SCFD2: variants seen among roughly 807,000 people sequenced by gnomAD.
SCFD2 encodes the protein sec1 family domain-containing protein 2.
SCFD2 carries 54 observed loss-of-function variants against 58.9 expected under a neutral mutation model. The observed-to-expected ratio is 0.92, with a 90% CI of 0.74 to 1.15. The LOEUF is 1.15. Among genes scored for constraint, SCFD2 ranks in the 50% most tolerant of loss-of-function variants. The pLI, the probability that SCFD2 is intolerant of heterozygous loss-of-function variation, is 0.00. For missense variants in SCFD2, 805 were observed against 836.6 expected (o/e 0.96, Z 0.47); for synonymous variants, 321 against 335.9 (o/e 0.96, Z 0.49).
chr4:52,879,106 T>C (rs1453752644), intron 8 of SCFD2, among the ~76,000 whole-genome samples: 1 of 152,052 alleles, frequency 6.6e-6, no homozygotes, highest in Admixed American at 6.6e-5. Context: ...CATCAACTCC[T>C]AGCCACCCCA....
In SCFD2 at chr4:53,085,226, T is replaced by C. The variant is rs569592210; in HGVS notation, c.1561+60107A>G. ...ACCAATATACAAATATCAGTATTAT[T>C]TCTATATATCAACAGTGAACAATCT... On this transcript the variant is annotated intron_variant, in intron 5 of 8. Coordinates refer to ENST00000401642, the MANE Select transcript of SCFD2 (RefSeq NM_152540.4). Among the ~76,000 whole-genome samples the C allele has an allele frequency of 2.6e-5, 4 of 152,300 alleles. No homozygotes were observed. In the South Asian group the frequency reaches 8.3e-4, roughly 32 times the overall value.
intron 5 of SCFD2, among the ~76,000 whole-genome samples, chr4:53,109,472 C>T (rs958782170): frequency 2.6e-5 from 4 of 152,184 alleles, no homozygotes; most frequent in South Asian, 2.1e-4. Context: ...AAAACCCCAT[C>T]GTCTCTCAGC....
chr4:53,167,315 C>T (rs1727039785), intron 4 of SCFD2, among the ~76,000 whole-genome samples: 1 of 152,170 alleles, frequency 6.6e-6, no homozygotes, highest in African/African-American at 2.4e-5. Context: ...TCTCATTAGG[C>T]TAATGTGTCC....
chr4:53,083,077 T>G (rs965001692), intron 5 of SCFD2, among the ~76,000 whole-genome samples: 2 of 152,250 alleles, frequency 1.3e-5, no homozygotes, highest in Admixed American at 1.3e-4. Context: ...GGGGTGCTAC[T>G]ATAACAAATA....
rs571597521 is a variant in SCFD2, at chr4:53,212,559, A to T, written c.1311+61267T>A. On this transcript the variant is annotated intron_variant, in intron 4 of 8. Coordinates refer to ENST00000401642, the MANE Select transcript of SCFD2 (RefSeq NM_152540.4). ...GTATTAAGGAGATGGTAAGAGAGAG[A>T]GGAAGAAAGTGAGCACGTGTGTGTG... Among the ~76,000 whole-genome samples, 32 of 142,208 alleles carry T rather than the reference A, an allele frequency of 2.3e-4. 1 individual carries two copies. The highest frequency in any genetic ancestry group is 7.8e-4 in the African/African-American group (29 of 37,234). The allele number at this position is 142,208 out of a possible 152,430, so 93.3% of individuals were successfully genotyped here.
intron 3 of SCFD2, among the ~76,000 whole-genome samples, chr4:53,295,754 TATG>T (rs139449068): frequency 0.017 from 2,646 of 152,346 alleles, 82 homozygotes; most frequent in African/African-American, 0.06. Flanking sequence ...GCCCATTCAT[TATG>T]ATATTGGCTG....
chr4:53,077,593 G>A (rs1347185243), intron 5 of SCFD2, among the ~76,000 whole-genome samples: 7 of 151,778 alleles, frequency 4.6e-5, no homozygotes, highest in African/African-American at 1.2e-4. Flanking sequence ...GTGTGCCACC[G>A]CACCCAGCTA....
intron 3 of SCFD2, among the ~76,000 whole-genome samples, chr4:53,300,232 CA>C (rs1732226875): frequency 6.6e-6 from 1 of 151,678 alleles, no homozygotes; most frequent in African/African-American, 2.4e-5. Flanking sequence ...CACACAGGCT[CA>C]AAATAAAGGG....
chr4:53,245,877 A>C (rs1730053452), intron 4 of SCFD2, among the ~76,000 whole-genome samples: 1 of 152,126 alleles, frequency 6.6e-6, no homozygotes, highest in East Asian at 1.9e-4. Context: ...AAATAAATAA[A>C]AGACATCCAA....
intron 5 of SCFD2, among the ~76,000 whole-genome samples, chr4:53,006,216 A>G (rs1171879093): frequency 6.6e-6 from 1 of 152,026 alleles, no homozygotes; most frequent in East Asian, 1.9e-4. Flanking sequence ...CCAGCCCCCA[A>G]TCACTGTGCC....
intron 5 of SCFD2, among the ~76,000 whole-genome samples, chr4:53,048,061 A>C (rs1033394997): frequency 2.6e-5 from 4 of 152,142 alleles, no homozygotes; most frequent in Admixed American, 6.6e-5. Context: ...TTTTAATTAA[A>C]TATTCTAGGC....
intron 5 of SCFD2, among the ~76,000 whole-genome samples, chr4:52,952,914 A>G (rs1015628089): frequency 1.3e-5 from 2 of 152,246 alleles, no homozygotes; most frequent in Non-Finnish European, 2.9e-5. Context: ...AACCAGTGAT[A>G]AAATGAATGC....
chr4:53,248,366 A>G (rs1730194426), intron 4 of SCFD2, among the ~76,000 whole-genome samples: 1 of 152,228 alleles, frequency 6.6e-6, no homozygotes. Flanking sequence ...GCCATTGCTC[A>G]GGCTTCCTTA....
At chr4:53,170,812 G>A (rs1727157775) in intron 4 of SCFD2, among the ~76,000 whole-genome samples, 1 of 151,866 alleles carries the variant, frequency 6.6e-6, no homozygotes, top group South Asian at 2.1e-4. Context: ...TTGTCTTCTT[G>A]ATTTCCTTTT....
intron 4 of SCFD2, among the ~76,000 whole-genome samples, chr4:53,201,396 T>C (rs1176235325): frequency 6.6e-6 from 1 of 152,228 alleles, no homozygotes; most frequent in Non-Finnish European, 1.5e-5. Context: ...GGTGTATATG[T>C]GCCACATTTT....
chr4:52,974,050 C>G (rs1721183977), intron 5 of SCFD2, among the ~76,000 whole-genome samples: 1 of 152,156 alleles, frequency 6.6e-6, no homozygotes, highest in South Asian at 2.1e-4. Flanking sequence ...ATGACAAACC[C>G]ACAGCCAATA....
At chr4:53,218,534 G>C (rs930512961) in intron 4 of SCFD2, among the ~76,000 whole-genome samples, 2 of 152,034 alleles carry the variant, frequency 1.3e-5, no homozygotes, top group Admixed American at 6.5e-5. Context: ...ATTCTAGTTA[G>C]GCATTCATCT....
intron 4 of SCFD2, among the ~76,000 whole-genome samples, chr4:53,163,558 C>T (rs2148929371): frequency 6.6e-6 from 1 of 152,226 alleles, no homozygotes; most frequent in African/African-American, 2.4e-5. Flanking sequence ...AAACCCCATC[C>T]CATCCATAGT....
chr4:52,888,489 A>C (rs1718804568), intron 7 of SCFD2, among the ~76,000 whole-genome samples: 1 of 152,190 alleles, frequency 6.6e-6, no homozygotes, highest in Non-Finnish European at 1.5e-5. Flanking sequence ...ACACCATAGC[A>C]ATGCTGCTTT....
Sources: gnomAD v4.1 joint callset for allele counts (sites outside exome capture counted in the v4.1 genomes callset) on GRCh38, gnomAD v4.1.1 for gene constraint, MANE v1.5 for transcripts, NCBI Gene and HGNC (gene_info 2026-07-23, HGNC 2026-07-21) for gene names.